The following CRTAC1 variants were observed in gnomAD, a reference collection of about 807,000 sequenced individuals.
CRTAC1 encodes cartilage acidic protein 1.
In CRTAC1, 37 loss-of-function variants were observed where a neutral mutation model predicts 67.8. The ratio of observed to expected loss-of-function variants is 0.55; its 90% CI spans 0.42 to 0.72. The LOEUF is 0.72. Among genes scored for constraint, CRTAC1 ranks in the 30% least tolerant of loss-of-function variants. CRTAC1 has a pLI of 0.00. For missense variants in CRTAC1, 780 were observed against 931.6 expected (o/e 0.84, Z 2.12); for synonymous variants, 348 against 371.0 (o/e 0.94, Z 0.71).
rs1273532213 is a variant in CRTAC1, at chr10:97,865,406, GT to G, written c.*141del. 2 of 1,016,134 alleles carry G rather than the reference GT, an allele frequency of 2.0e-6. No individual in the cohort carries two copies. Among genetic ancestry groups the G allele is most frequent in the Non-Finnish European group, 2.8e-6 (2 of 717,404 alleles). 62.9% of individuals were successfully genotyped at this position (1,016,134 alleles called of 1,614,324 possible). A position where few individuals can be genotyped will look rare whatever the true frequency, so the allele number is the denominator to read the frequency against. On this transcript the variant is annotated 3_prime_UTR_variant, in exon 15 of 15. Coordinates refer to ENST00000370597, the MANE Select transcript of CRTAC1 (RefSeq NM_018058.7). ...CCTGGCCTTACGAGTCTCCCTAATT[GT>G]TAGCTAAGTAATGTGCATGGATGGG...
chr10:97,912,161 T>C (rs1012946109), intron 5 of CRTAC1, among the ~76,000 whole-genome samples: 2 of 152,168 alleles, frequency 1.3e-5, no homozygotes, highest in African/African-American at 2.4e-5. Flanking sequence ...AGTGAGCTGG[T>C]TTTTGGAAGG....
chr10:98,007,078 G>C (rs1401974442), intron 2 of CRTAC1, among the ~76,000 whole-genome samples: 2 of 152,192 alleles, frequency 1.3e-5, no homozygotes, highest in Non-Finnish European at 2.9e-5. Context: ...TGATCATCTG[G>C]TTTATATCTT....
chr10:97,971,559 A>G (rs1231050494), intron 2 of CRTAC1, among the ~76,000 whole-genome samples: 5 of 152,256 alleles, frequency 3.3e-5, no homozygotes, highest in Non-Finnish European at 7.3e-5. Context: ...TGGAAAGATG[A>G]AAAGAGATCT....
rs1337886409 is a variant in CRTAC1, at chr10:97,880,232, G to T, written c.1819+17C>A. 6.2e-7 allele frequency: 1 copy of T among 1,612,982 alleles called. No individual in the cohort carries two copies. The highest frequency in any genetic ancestry group is 1.3e-5 in the African/African-American group (1 of 74,902). On this transcript the variant is annotated intron_variant, in intron 14 of 14. Transcript: ENST00000370597. ...AACATCCTTTTGCTACTGGCCTATG[G>T]CTGGGGCCCCACTCACCCACGCAGG...
chr10:97,866,596 CTGTA>C (rs951286557), intron 14 of CRTAC1: 2 of 152,140 alleles, frequency 1.3e-5, no homozygotes, highest in Non-Finnish European at 2.9e-5. Flanking sequence ...GTTAGCATGC[CTGTA>C]TGTGAGCGCG....
intron 2 of CRTAC1, among the ~76,000 whole-genome samples, chr10:97,986,129 A>G (rs1027317855): frequency 2.0e-5 from 3 of 152,214 alleles, no homozygotes; most frequent in Non-Finnish European, 4.4e-5. Flanking sequence ...TGTGTCTCAG[A>G]TGGCCCAGGA....
At chr10:98,011,447 G>A (rs1350862933) in intron 1 of CRTAC1, 110 bp from the exon 2 acceptor site, 10 of 1,247,576 alleles carry the variant, frequency 8.0e-6, no homozygotes, top group Non-Finnish European at 1.0e-5. Context: ...TTCATGGAGA[G>A]CTTGACAGTG....
intron 2 of CRTAC1, among the ~76,000 whole-genome samples, chr10:97,991,650 C>G (rs188414371): frequency 1.3e-5 from 2 of 152,226 alleles, no homozygotes; most frequent in African/African-American, 4.8e-5. Context: ...CATGGCTTAT[C>G]TCATTTGTCT....
chr10:97,981,265 A>G (rs373816021), intron 2 of CRTAC1, among the ~76,000 whole-genome samples: 7 of 152,240 alleles, frequency 4.6e-5, no homozygotes, highest in Admixed American at 4.6e-4. Context: ...GAAAGACGTA[A>G]GGAAGAAAAT....
intron 1 of CRTAC1, among the ~76,000 whole-genome samples, chr10:98,017,670 G>GACTC: frequency 6.6e-6 from 1 of 151,694 alleles, no homozygotes; most frequent in Admixed American, 6.6e-5. Flanking sequence ...AGTAGCCTAG[G>GACTC]ACTCCAGTGG....
Position 98,029,915 on chromosome 10 carries a change from T to G in CRTAC1, c.24+534A>C, listed in dbSNP as rs1023434996. On this transcript the variant is annotated intron_variant, in intron 1 of 14. Transcript: ENST00000370597. This position sits in a 1 kb window ranked among gnomAD's most constrained non-coding sequence, Gnocchi z 4.7. ...CGCGCGGGGCTGGCTCCCGGAGCTC[T>G]CTGCCACCCAGCGCTGTGCCCGGGA... 2.6e-5 allele frequency among the ~76,000 whole-genome samples: 4 copies of G among 151,984 alleles called. No homozygotes were observed. The highest frequency in any genetic ancestry group is 9.7e-5 in the African/African-American group (4 of 41,392).
chr10:97,997,297 A>G (rs1842601275), intron 2 of CRTAC1, among the ~76,000 whole-genome samples: 1 of 147,612 alleles, frequency 6.8e-6, no homozygotes. Flanking sequence ...AAATACAAAA[A>G]AAAAAATTAG....
intron 1 of CRTAC1, among the ~76,000 whole-genome samples, chr10:98,018,231 A>AAAAGAG (rs1554936675): frequency 3.5e-5 from 5 of 142,118 alleles, no homozygotes; most frequent in African/African-American, 1.4e-4. Flanking sequence ...AAAAAAAAAA[A>AAAAGAG]AGAGAGAGAG....
chr10:98,024,238 AAAGAT>A (rs1389376971), intron 1 of CRTAC1, among the ~76,000 whole-genome samples: 6 of 152,244 alleles, frequency 3.9e-5, no homozygotes, highest in Non-Finnish European at 7.3e-5. Context: ...CGGTGCAAAC[AAAGAT>A]AAGAGTAACT....
intron 1 of CRTAC1, among the ~76,000 whole-genome samples, chr10:98,013,924 G>A (rs1842952441): frequency 6.6e-6 from 1 of 152,224 alleles, no homozygotes; most frequent in Non-Finnish European, 1.5e-5. Context: ...GCCTCCCCAT[G>A]AGACCAGGGA....
At chr10:97,896,801 G>C (rs1158538266) in intron 9 of CRTAC1, 108 bp downstream of exon 9, 1 of 681,608 alleles carries the variant, frequency 1.5e-6, no homozygotes, top group Non-Finnish European at 2.4e-6. Flanking sequence ...GGCAGGGACA[G>C]GAGTGGCTCT....
chr10:97,933,829 T>C (rs796428837), intron 3 of CRTAC1, among the ~76,000 whole-genome samples: 3 of 152,326 alleles, frequency 2.0e-5, no homozygotes, highest in African/African-American at 7.2e-5. Context: ...CCTTCCACCT[T>C]GGTGTATGCA....
chr10:97,882,574 G>A (rs1335295681), intron 13 of CRTAC1, among the ~76,000 whole-genome samples: 1 of 152,220 alleles, frequency 6.6e-6, no homozygotes, highest in East Asian at 1.9e-4. Flanking sequence ...CAGAACCGCA[G>A]TGATTCAGCC....
intron 2 of CRTAC1, among the ~76,000 whole-genome samples, chr10:97,986,169 G>T (rs566274823): frequency 6.6e-6 from 1 of 152,324 alleles, no homozygotes; most frequent in Admixed American, 6.5e-5. Flanking sequence ...GGGATGAAAT[G>T]CACCAAGGGC....
Sources: allele counts gnomAD v4.1 joint callset (sites outside exome capture counted in the v4.1 genomes callset), GRCh38; gene constraint gnomAD v4.1.1; non-coding constraint Gnocchi (gnomAD v3.1); transcripts MANE v1.5; gene names NCBI Gene and HGNC (gene_info 2026-07-23, HGNC 2026-07-21).